Variants in LRCH3 observed in about 807,000 individuals in gnomAD.
The protein encoded by LRCH3 is leucine rich repeats and calponin homology domain containing 3, also known as DISP complex protein LRCH3.
Under a neutral mutation model 104.5 loss-of-function variants are expected in LRCH3, and 68 were observed. The ratio of observed to expected loss-of-function variants is 0.65; its 90% CI spans 0.54 to 0.80. LRCH3 has a LOEUF of 0.80. LRCH3 is among the 30% of genes least tolerant of loss of function. The probability of loss-of-function intolerance (pLI) is 0.00; values close to 1 mark genes in which losing one functional copy is unlikely to be tolerated. For missense variants in LRCH3, 951 were observed against 953.9 expected, an observed-to-expected ratio of 1.00 and a Z score of 0.04; for synonymous variants, 344 against 361.3, an observed-to-expected ratio of 0.95 and a Z score of 0.54.
At chr3:197,835,168 T>C (rs1428115377) in intron 8 of LRCH3, among the ~76,000 whole-genome samples, 2 of 152,026 alleles carry the variant, frequency 1.3e-5, no homozygotes, top group African/African-American at 4.8e-5. Flanking sequence ...AAATAAAATA[T>C]AAGTAAAATT....
At chr3:197,865,392 C>CATAT in intron 15 of LRCH3, 31 bp from the exon 16 acceptor site, 1 of 1,437,552 alleles carries the variant, frequency 7.0e-7, no homozygotes, top group South Asian at 1.2e-5. Context: ...TCTTGAATAA[C>CATAT]AATTATTGAT....
chr3:197,859,893 G>C (rs908834942), intron 15 of LRCH3, among the ~76,000 whole-genome samples: 1 of 151,822 alleles, frequency 6.6e-6, no homozygotes, highest in Non-Finnish European at 1.5e-5. Context: ...TTCCCAGACT[G>C]TTCATCTTTA....
Position 197,856,794 on chromosome 3 carries a change from A to G in LRCH3, c.1645-2040A>G, listed in dbSNP as rs1255536412. Reference sequence around the variant, plus strand: ...ATGTACCTTAATACACTCCATCCCTACCACAGTTCCTGGGATATATTAGGT... The same window carrying G: ...ATGTACCTTAATACACTCCATCCCTGCCACAGTTCCTGGGATATATTAGGT... On this transcript the variant is annotated intron_variant, in intron 14 of 20. Transcript: ENST00000425562. The surrounding 1 kb of genome is among the most constrained non-coding windows in gnomAD (Gnocchi z 4.2). Among the ~76,000 whole-genome samples, 1 of 152,196 alleles carries G rather than the reference A, an allele frequency of 6.6e-6. No homozygotes were observed. Among genetic ancestry groups the G allele is most frequent in the Admixed American group, 6.5e-5 (1 of 15,278 alleles).
rs58237989 is a variant in LRCH3, at chr3:197,825,464, A to ATTTTTTT, written c.641-1387_641-1381dup. Among the ~76,000 whole-genome samples, 131 of 20,068 alleles carry ATTTTTTT rather than the reference A, an allele frequency of 6.5e-3. 51 individuals carry two copies. Among genetic ancestry groups the ATTTTTTT allele is most frequent in the Non-Finnish European group, 7.5e-3 (81 of 10,754 alleles). The allele number at this position is 20,068 out of a possible 152,430, so 13.2% of individuals were successfully genotyped here. A position where few individuals can be genotyped will look rare whatever the true frequency, so the allele number is the denominator to read the frequency against. ...TAGACCTCTTTGTTGATCCTCTTTG[A>ATTTTTTT]TTTTTTTTTTTTTTTTTTTTTTTTT... On this transcript the variant is annotated intron_variant, in intron 4 of 20. Transcript: ENST00000425562.
At chr3:197,869,172 C>A (rs1313293241) in intron 17 of LRCH3, among the ~76,000 whole-genome samples, 1 of 152,234 alleles carries the variant, frequency 6.6e-6, no homozygotes, top group East Asian at 1.9e-4. Context: ...ATATACTGTA[C>A]TTGCAGGAAG....
At chr3:197,863,326 C>G (rs544837379) in intron 15 of LRCH3, among the ~76,000 whole-genome samples, 21 of 152,046 alleles carry the variant, frequency 1.4e-4, no homozygotes, top group African/African-American at 3.6e-4. Context: ...GCAGTGGCGC[C>G]ATCTCGGCTC....
intron 15 of LRCH3, 115 bp downstream of exon 15, chr3:197,859,020 C>T (rs1022007398): frequency 1.3e-6 from 1 of 783,028 alleles, no homozygotes; most frequent in African/African-American, 1.7e-5. Context: ...ATAAATATAC[C>T]TGTTTATGGA....
intron 5 of LRCH3, among the ~76,000 whole-genome samples, chr3:197,828,981 T>A (rs1409918374): frequency 6.6e-6 from 1 of 152,180 alleles, no homozygotes; most frequent in African/African-American, 2.4e-5. Flanking sequence ...AGTGCTGCAA[T>A]TACAGGTGTG....
intron 10 of LRCH3, among the ~76,000 whole-genome samples, chr3:197,844,745 G>A (rs1738362228): frequency 1.3e-5 from 2 of 152,064 alleles, no homozygotes; most frequent in Non-Finnish European, 2.9e-5. Flanking sequence ...AGCCTTCTGA[G>A]TAGCTGGGAC....
In LRCH3 at chr3:197,885,153, T is replaced by C. The variant is rs1714100011; in HGVS notation, c.*1487T>C. On this transcript the variant is annotated 3_prime_UTR_variant, in exon 21 of 21. Transcript: ENST00000425562. ...CCAAATTCTGAAGCTGATAGCGCAC[T>C]TGGTCTCACTGAGCCTCCCTCCCCG... The C allele has an allele frequency of 6.6e-6, 1 of 152,346 alleles. No homozygotes were observed. Among genetic ancestry groups the C allele is most frequent in the Non-Finnish European group, 1.5e-5 (1 of 68,124 alleles). The allele number at this position is 152,346 out of a possible 1,614,324, so 9.4% of individuals were successfully genotyped here.
intron 8 of LRCH3, among the ~76,000 whole-genome samples, chr3:197,835,207 G>A (rs942932430): frequency 6.0e-5 from 9 of 150,990 alleles, no homozygotes; most frequent in East Asian, 3.9e-4. Context: ...TTTTTGAGAC[G>A]GAGTCTTGCT....
chr3:197,854,538 G>T lies in LRCH3; in HGVS notation c.1644+93G>T. 2 of 1,164,644 alleles carry T rather than the reference G, an allele frequency of 1.7e-6. No homozygotes were observed. Among genetic ancestry groups the T allele is most frequent in the South Asian group, 1.2e-5 (1 of 81,372 alleles). 72.1% of individuals were successfully genotyped at this position (1,164,644 alleles called of 1,614,324 possible). A position where few individuals can be genotyped will look rare whatever the true frequency, so the allele number is the denominator to read the frequency against. On this transcript the variant is annotated intron_variant, in intron 14 of 20. Coordinates refer to ENST00000425562, the MANE Select transcript of LRCH3 (RefSeq NM_001365715.1). This position sits in a 1 kb window ranked among gnomAD's most constrained non-coding sequence, Gnocchi z 4.5. ...CTATCTAAATACCATAAAACATGAT[G>T]AACATCATTACTAAATGCTTTATGA...
intron 1 of LRCH3, among the ~76,000 whole-genome samples, chr3:197,791,817 A>T (rs1730553132): frequency 6.6e-6 from 1 of 152,146 alleles, no homozygotes. Context: ...AGTTTCTGCC[A>T]CGGCGGAGGT....
At position 197,807,413 on chromosome 3, in the gene LRCH3, G is replaced by C. The variant is rs560743104; in HGVS notation, c.263-7495G>C. The stretch of plus-strand genomic sequence containing the variant: ...TTTGTATTTCTTTTTAGTAGAGACG[G>C]GGTTTCACCGGGTTAGCCAGGATAG... On this transcript the variant is annotated intron_variant, in intron 1 of 20. Transcript: ENST00000425562. 7.2e-5 allele frequency among the ~76,000 whole-genome samples: 11 copies of C among 151,936 alleles called. 1 individual carries two copies. Among genetic ancestry groups the C allele is most frequent in the Non-Finnish European group, 1.6e-4 (11 of 67,944 alleles).
intron 14 of LRCH3, among the ~76,000 whole-genome samples, chr3:197,857,392 A>G (rs1740399369): frequency 7.2e-6 from 1 of 138,968 alleles, no homozygotes; most frequent in African/African-American, 2.8e-5. Context: ...TCCTGTTAAT[A>G]TCAGTCACAC....
intron 1 of LRCH3, among the ~76,000 whole-genome samples, chr3:197,797,859 CAAAAAAAAAA>C (rs749696923): frequency 4.3e-5 from 1 of 23,204 alleles, no homozygotes; most frequent in African/African-American, 8.1e-5. Context: ...GACTCCATCT[CAAAAAAAAAA>C]AAAACAAAAA....
intron 4 of LRCH3, among the ~76,000 whole-genome samples, chr3:197,824,693 T>G (rs1391045351): frequency 6.6e-6 from 1 of 150,972 alleles, no homozygotes; most frequent in African/African-American, 2.4e-5. Flanking sequence ...TGCCTCAGCC[T>G]CCCAAGTAGC....
chr3:197,881,759 A>G (rs957113019), intron 20 of LRCH3: 83 of 985,332 alleles, frequency 8.4e-5, no homozygotes, highest in Non-Finnish European at 8.9e-5. Context: ...AAATTGGGAT[A>G]AAGGATGAAC....
chr3:197,871,258 A>T (rs1712149114), intron 18 of LRCH3, 67 bp from the exon 19 acceptor site: 1 of 1,208,486 alleles, frequency 8.3e-7, no homozygotes, highest in Admixed American at 1.9e-5. Flanking sequence ...ATTTCATTAT[A>T]ACTCCCTTAT....
Sources: allele counts gnomAD v4.1 joint callset (sites outside exome capture counted in the v4.1 genomes callset), GRCh38; gene constraint gnomAD v4.1.1; non-coding constraint Gnocchi (gnomAD v3.1); transcripts MANE v1.5; gene names NCBI Gene and HGNC (gene_info 2026-07-23, HGNC 2026-07-21).